Variants in PTER observed in about 807,000 individuals in gnomAD.
PTER encodes phosphotriesterase related.
A neutral mutation model predicts 29.6 loss-of-function variants in PTER; 38 were observed. That is an observed-to-expected ratio of 1.28 (90% confidence interval 0.99 to 1.68). The LOEUF (loss-of-function observed/expected upper bound fraction) is 1.68, where lower values mean the gene tolerates loss of function less well. Among genes scored for constraint, PTER ranks in the 40% most tolerant of loss-of-function variants. The pLI is 0.00. For missense variants in PTER, 482 were observed against 427.8 expected, an observed-to-expected ratio of 1.13 and a Z score of -1.12; for synonymous variants, 172 against 154.5, an observed-to-expected ratio of 1.11 and a Z score of -0.84.
At chr10:16,485,588 A>AT (rs1835664107) in intron 2 of PTER, among the ~76,000 whole-genome samples, 1 of 151,740 alleles carries the variant, frequency 6.6e-6, no homozygotes. Flanking sequence ...GTATTTCAAA[A>AT]TTTTTTCTGC....
chr10:16,500,509 C>T (rs1049812598), intron 3 of PTER, among the ~76,000 whole-genome samples: 1 of 152,178 alleles, frequency 6.6e-6, no homozygotes, highest in Non-Finnish European at 1.5e-5. Context: ...ACCTTGGCTT[C>T]CCAAAGTGCT....
intron 3 of PTER, among the ~76,000 whole-genome samples, chr10:16,492,820 T>C (rs1835948295): frequency 6.6e-6 from 1 of 152,246 alleles, no homozygotes; most frequent in East Asian, 1.9e-4. Context: ...TGAAAATTCC[T>C]AGCTGAGGAA....
chr10:16,475,115 C>T (rs550853589), intron 1 of PTER, among the ~76,000 whole-genome samples: 21 of 152,232 alleles, frequency 1.4e-4, no homozygotes, highest in African/African-American at 4.8e-4. Context: ...GATCACCTCT[C>T]AAAGGCCCCA....
chr10:16,498,996 G>A (rs548581433), intron 3 of PTER, among the ~76,000 whole-genome samples: 5 of 152,304 alleles, frequency 3.3e-5, no homozygotes, highest in East Asian at 1.9e-4. Flanking sequence ...GAGGAGGAAC[G>A]GAGTTGCCCT....
At chr10:16,455,300 G>C (rs75344732) in intron 1 of PTER, among the ~76,000 whole-genome samples, 3 of 152,092 alleles carry the variant, frequency 2.0e-5, no homozygotes, top group African/African-American at 7.2e-5. Context: ...CCAGAAAAAA[G>C]AGAAACTTCT....
At chr10:16,500,343 G>A (rs1240770174) in intron 3 of PTER, among the ~76,000 whole-genome samples, 3 of 151,954 alleles carry the variant, frequency 2.0e-5, no homozygotes. Context: ...TCAAACTCTT[G>A]GGCTCAAATG....
At chr10:16,502,370 AAC>A (rs1360807755) in intron 3 of PTER, among the ~76,000 whole-genome samples, 1 of 152,206 alleles carries the variant, frequency 6.6e-6, no homozygotes, top group East Asian at 1.9e-4. Flanking sequence ...TCTATAGAAA[AAC>A]ACATATTCTT....
At chr10:16,484,316 T>G (rs1301912510) in intron 1 of PTER, 21 bp from the exon 2 acceptor site, 1 of 1,380,512 alleles carries the variant, frequency 7.2e-7, no homozygotes, top group Admixed American at 2.3e-5. Flanking sequence ...TGTAGTTGTT[T>G]GTTTGTTTGT....
At chr10:16,491,542 C>T (rs951271262) in intron 3 of PTER, among the ~76,000 whole-genome samples, 1 of 152,062 alleles carries the variant, frequency 6.6e-6, no homozygotes, top group Non-Finnish European at 1.5e-5. Flanking sequence ...TTTCATGCAA[C>T]GAAATGCACA....
At chr10:16,510,227 G>C (rs1836759558) in intron 4 of PTER, among the ~76,000 whole-genome samples, 1 of 152,214 alleles carries the variant, frequency 6.6e-6, no homozygotes, top group South Asian at 2.1e-4. Flanking sequence ...TGGCTGTCAG[G>C]AGGTGACTCA....
chr10:16,487,847 C>T (rs1264273590), intron 3 of PTER, among the ~76,000 whole-genome samples: 1 of 152,116 alleles, frequency 6.6e-6, no homozygotes, highest in Non-Finnish European at 1.5e-5. Flanking sequence ...TCCTGATTAT[C>T]AGACCAGACA....
chr10:16,467,584 G>T (rs777961940), intron 1 of PTER, among the ~76,000 whole-genome samples: 1 of 152,164 alleles, frequency 6.6e-6, no homozygotes, highest in Non-Finnish European at 1.5e-5. Flanking sequence ...GGTTGAGGTG[G>T]GTGGATCACC....
chr10:16,440,294 C>G (rs1833802060), intron 1 of PTER, among the ~76,000 whole-genome samples: 1 of 151,874 alleles, frequency 6.6e-6, no homozygotes. Flanking sequence ...TCTTGAACTC[C>G]TGACCTCAGG....
At chr10:16,464,687 G>A (rs116051860) in intron 1 of PTER, among the ~76,000 whole-genome samples, 1,622 of 152,266 alleles carry the variant, frequency 0.011, 25 homozygotes, top group African/African-American at 0.036. Flanking sequence ...CATATCATCA[G>A]AATGTCTCTG....
At chr10:16,442,106 A>G (rs2133356223) in intron 1 of PTER, among the ~76,000 whole-genome samples, 1 of 152,310 alleles carries the variant, frequency 6.6e-6, no homozygotes, top group Non-Finnish European at 1.5e-5. Context: ...AAATATTGTT[A>G]ATTTCGTGCT....
At chr10:16,452,019 C>T (rs980625143) in intron 1 of PTER, among the ~76,000 whole-genome samples, 1 of 152,038 alleles carries the variant, frequency 6.6e-6, no homozygotes, top group African/African-American at 2.4e-5. Context: ...TTTCTTTAAA[C>T]CAATCCACTT....
chr10:16,464,599 T>G (rs1303704750), intron 1 of PTER, among the ~76,000 whole-genome samples: 1 of 152,336 alleles, frequency 6.6e-6, no homozygotes, highest in African/African-American at 2.4e-5. Flanking sequence ...GTCAGTATTT[T>G]TCACTGTAAG....
At chr10:16,466,666 C>A (rs1412842840) in intron 1 of PTER, among the ~76,000 whole-genome samples, 1 of 152,116 alleles carries the variant, frequency 6.6e-6, no homozygotes, top group Admixed American at 6.5e-5. Context: ...TGATTCTTTT[C>A]AACTCTGGAT....
chr10:16,508,279 A>T (rs948826334), intron 4 of PTER, among the ~76,000 whole-genome samples: 4 of 151,984 alleles, frequency 2.6e-5, no homozygotes, highest in Non-Finnish European at 5.9e-5. Context: ...CGTGTTAGCC[A>T]GGATGGTCTT....
Sources: gnomAD v4.1 joint callset for allele counts (sites outside exome capture counted in the v4.1 genomes callset) on GRCh38, gnomAD v4.1.1 for gene constraint, MANE v1.5 for transcripts, NCBI Gene and HGNC (gene_info 2026-07-23, HGNC 2026-07-21) for gene names.